Variants in PRSS3 observed in about 807,000 individuals in gnomAD.
PRSS3 encodes trypsin-3.
Under a neutral mutation model 20.8 loss-of-function variants are expected in PRSS3, and 14 were observed. The observed-to-expected ratio is 0.67, with a 90% CI of 0.44 to 1.05. The LOEUF is 1.05. Ranked by LOEUF, PRSS3 falls within the 50% of genes least tolerant of loss-of-function variation. The pLI is 0.00. For missense variants in PRSS3, 237 were observed against 306.4 expected (o/e 0.77, Z 1.69); for synonymous variants, 91 against 117.6 (o/e 0.77, Z 1.46).
intron 1 of PRSS3, among the ~76,000 whole-genome samples, chr9:33,768,476 CA>C: frequency 6.8e-6 from 1 of 147,006 alleles, no homozygotes; most frequent in Non-Finnish European, 1.5e-5. Flanking sequence ...GAGCGAGACT[CA>C]AAGGAAAAAA....
At chr9:33,751,139 T>G (rs1206422582) in intron 1 of PRSS3, among the ~76,000 whole-genome samples, 2 of 152,158 alleles carry the variant, frequency 1.3e-5, no homozygotes, top group Admixed American at 6.5e-5. Flanking sequence ...GTCTGCCCCG[T>G]GAGTCCGGGA....
upstream of PRSS3, among the ~76,000 whole-genome samples, chr9:33,792,316 G>A (rs181134726): frequency 3.3e-5 from 5 of 151,868 alleles, no homozygotes; most frequent in Non-Finnish European, 2.9e-5. Flanking sequence ...AAGATCTGGT[G>A]GGATTTGGAG....
intron 1 of PRSS3, among the ~76,000 whole-genome samples, chr9:33,751,647 C>T (rs1347708865): frequency 1.3e-5 from 2 of 152,002 alleles, no homozygotes; most frequent in South Asian, 2.1e-4. Context: ...CTTTTTGTCT[C>T]CTAGGGTGGC....
chr9:33,782,302 A>T (rs746532738), intron 1 of PRSS3, among the ~76,000 whole-genome samples: 5 of 152,160 alleles, frequency 3.3e-5, no homozygotes, highest in African/African-American at 4.8e-5. Context: ...TCTTGCTTAC[A>T]CTATTAAAGG....
At chr9:33,762,137 C>T (rs10758227) in intron 1 of PRSS3, 86,998 of 152,046 alleles carry the variant, frequency 0.57, 26,392 homozygotes, top group East Asian at 0.79. Flanking sequence ...GACTATCTTC[C>T]GATCAGGAAC....
At position 33,766,263 on chromosome 9, in the gene PRSS3, C is replaced by CAAAA. The variant is rs67834191; in HGVS notation, c.-53+15559_-53+15562dup. Among the ~76,000 whole-genome samples the CAAAA allele has an allele frequency of 5.9e-3, 427 of 72,782 alleles. 31 individuals are homozygous for CAAAA. The highest frequency in any genetic ancestry group is 0.018 in the South Asian group (22 of 1,232). 47.7% of individuals were successfully genotyped at this position (72,782 alleles called of 152,430 possible). A position where few individuals can be genotyped will look rare whatever the true frequency, so the allele number is the denominator to read the frequency against. On this transcript the variant is annotated intron_variant, in intron 1 of 5. Transcript: ENST00000342836. ...TGGGCAACAGAGCCAGATTCCGTCTCAAAAAAAAAAAAAAAAAAAAAAAAA... is the reference window on the plus strand; with the variant it reads ...TGGGCAACAGAGCCAGATTCCGTCTCAAAAAAAAAAAAAAAAAAAAAAAAAAAAA...
chr9:33,761,417 G>A (rs1422103084), intron 1 of PRSS3, among the ~76,000 whole-genome samples: 4 of 152,034 alleles, frequency 2.6e-5, no homozygotes, highest in South Asian at 2.1e-4. Context: ...TTAAACATAC[G>A]GTATTATGGC....
intron 1 of PRSS3, among the ~76,000 whole-genome samples, chr9:33,771,444 G>A (rs541911262): frequency 4.0e-5 from 6 of 151,310 alleles, no homozygotes; most frequent in Admixed American, 3.3e-4. Flanking sequence ...TCCTGCCTCA[G>A]CCTCCTGAGT....
At chr9:33,782,818 T>G (rs1419954276) in intron 1 of PRSS3, among the ~76,000 whole-genome samples, 2 of 152,324 alleles carry the variant, frequency 1.3e-5, no homozygotes, top group East Asian at 1.9e-4. Context: ...CTTATAAAAC[T>G]AAACCCCTAT....
At chr9:33,765,089 T>C (rs1480369926) in intron 1 of PRSS3, among the ~76,000 whole-genome samples, 2 of 152,208 alleles carry the variant, frequency 1.3e-5, no homozygotes, top group Non-Finnish European at 2.9e-5. Flanking sequence ...TGACAGTTTC[T>C]CAAAATGTTA....
intron 1 of PRSS3, among the ~76,000 whole-genome samples, chr9:33,787,471 C>G (rs191642126): frequency 1.5e-4 from 23 of 152,152 alleles, no homozygotes; most frequent in African/African-American, 4.8e-4. Context: ...GCTGCTGCAC[C>G]TTAGATCATC....
At chr9:33,759,936 G>A (rs974884284) in intron 1 of PRSS3, among the ~76,000 whole-genome samples, 1 of 152,212 alleles carries the variant, frequency 6.6e-6, no homozygotes, top group African/African-American at 2.4e-5. Context: ...GGATGCTGAG[G>A]GAAGGAAGGA....
intron 1 of PRSS3, among the ~76,000 whole-genome samples, chr9:33,782,547 A>G (rs938480763): frequency 3.3e-4 from 50 of 152,334 alleles, no homozygotes; most frequent in African/African-American, 1.1e-3. Context: ...TTTAGAAAGA[A>G]CACACTTGGA....
upstream of PRSS3, among the ~76,000 whole-genome samples, chr9:33,793,410 A>G (rs1370329709): frequency 6.6e-6 from 1 of 152,232 alleles, no homozygotes; most frequent in Admixed American, 6.5e-5. Flanking sequence ...AACCCATATT[A>G]TCAATGCTCC....
intron 1 of PRSS3, among the ~76,000 whole-genome samples, chr9:33,777,511 C>G (rs1178025001): frequency 7.0e-6 from 1 of 142,376 alleles, no homozygotes; most frequent in Non-Finnish European, 1.5e-5. Flanking sequence ...ACGGTGAAAC[C>G]CCGTCTCTAC....
In PRSS3 at chr9:33,785,160, A is replaced by ATTTT. The variant is rs74180504; in HGVS notation, c.-52-9554_-52-9551dup. Among the ~76,000 whole-genome samples the ATTTT allele has an allele frequency of 1.6e-3, 116 of 72,500 alleles. 7 individuals are homozygous for ATTTT. The highest frequency in any genetic ancestry group is 5.8e-3 in the South Asian group (8 of 1,380). 47.6% of individuals were successfully genotyped at this position (72,500 alleles called of 152,430 possible). On this transcript the variant is annotated intron_variant, in intron 1 of 5. Coordinates refer to the PRSS3 transcript ENST00000342836. Reference sequence around the variant, plus strand: ...GAAAAAGATCATAGCATTGTGGTCAATTTTTTTTTTTTTTTTTTTTTTTTT... The same window carrying ATTTT: ...GAAAAAGATCATAGCATTGTGGTCAATTTTTTTTTTTTTTTTTTTTTTTTTTTTT...
At chr9:33,773,855 A>G (rs1398961294) in intron 1 of PRSS3, among the ~76,000 whole-genome samples, 2 of 152,078 alleles carry the variant, frequency 1.3e-5, no homozygotes, top group Non-Finnish European at 2.9e-5. Context: ...GCCCAGACTG[A>G]TCTTGAACTC....
At chr9:33,769,935 G>A (rs1823610174) in intron 1 of PRSS3, among the ~76,000 whole-genome samples, 1 of 152,240 alleles carries the variant, frequency 6.6e-6, no homozygotes, top group African/African-American at 2.4e-5. Flanking sequence ...GGAAGCTGAG[G>A]CAGGTGGATC....
At chr9:33,767,348 G>A (rs527788179) in intron 1 of PRSS3, among the ~76,000 whole-genome samples, 1 of 152,064 alleles carries the variant, frequency 6.6e-6, no homozygotes, top group South Asian at 2.1e-4. Flanking sequence ...TTGATGAATG[G>A]ATAAATAACA....
Sources: allele counts gnomAD v4.1 joint callset (sites outside exome capture counted in the v4.1 genomes callset), GRCh38; gene constraint gnomAD v4.1.1; transcripts MANE v1.5; gene names NCBI Gene and HGNC (gene_info 2026-07-23, HGNC 2026-07-21).